Variants in TBC1D21 observed in about 807,000 individuals in gnomAD.
TBC1D21 encodes TBC1 domain family member 21.
TBC1D21 carries 38 observed loss-of-function variants against 46.0 expected under a neutral mutation model. The ratio of observed to expected loss-of-function variants is 0.83; its 90% CI spans 0.64 to 1.08. TBC1D21 has a LOEUF of 1.08. Among genes scored for constraint, TBC1D21 ranks in the 50% least tolerant of loss-of-function variants. The pLI is 0.00. For synonymous variants in TBC1D21, 151 were observed against 157.2 expected (o/e 0.96, Z 0.29); for missense variants, 415 against 417.9 (o/e 0.99, Z 0.06).
downstream of TBC1D21, among the ~76,000 whole-genome samples, chr15:73,890,322 TTGCTGGAAGGTTGAGGGGGAA>T (rs1400911291): frequency 6.6e-6 from 1 of 152,188 alleles, no homozygotes; most frequent in Non-Finnish European, 1.5e-5. Context: ...TGCTGTATCT[TTGCTGGAAGGTTGAGGGGGAA>T]TGCTGAAGAA....
At chr15:73,876,401 T>TTG (rs1476160310) in intron 1 of TBC1D21, among the ~76,000 whole-genome samples, 6 of 21,944 alleles carry the variant, frequency 2.7e-4, no homozygotes, top group South Asian at 1.4e-3. Context: ...GTAATTTTTG[T>TTG]TTTTTTTTTT....
intron 8 of TBC1D21, among the ~76,000 whole-genome samples, chr15:73,887,347 C>T (rs2068266626): frequency 6.6e-6 from 1 of 152,286 alleles, no homozygotes; most frequent in South Asian, 2.1e-4. Context: ...TCATTGCCTC[C>T]CTCCCCTTCC....
chr15:73,881,009 G>C (rs1400175215), intron 1 of TBC1D21, among the ~76,000 whole-genome samples: 1 of 152,150 alleles, frequency 6.6e-6, no homozygotes, highest in Non-Finnish European at 1.5e-5. Context: ...ATAGTACATA[G>C]AGAAAATGCT....
the TBC1D21 span, among the ~76,000 whole-genome samples, chr15:73,901,843 A>C: frequency 6.6e-6 from 1 of 151,306 alleles, no homozygotes; most frequent in African/African-American, 2.4e-5. Context: ...GGTGGGTCTC[A>C]CTCTGTCACC....
chr15:73,889,032 C>G, intron 10 of TBC1D21, 37 bp from the exon 11 acceptor site: 1 of 1,612,004 alleles, frequency 6.2e-7, no homozygotes, highest in Non-Finnish European at 8.5e-7. Context: ...AAGGGACAGA[C>G]CAATGTCTGT....
chr15:73,892,385 G>A (rs1346476352), downstream of TBC1D21, among the ~76,000 whole-genome samples: 1 of 152,242 alleles, frequency 6.6e-6, no homozygotes, highest in African/African-American at 2.4e-5. Flanking sequence ...ACAGGAAGGA[G>A]AGAAGAGAGG....
At chr15:73,886,831 C>T (rs1484622644) in intron 8 of TBC1D21, among the ~76,000 whole-genome samples, 3 of 152,252 alleles carry the variant, frequency 2.0e-5, no homozygotes, top group Non-Finnish European at 2.9e-5. Flanking sequence ...CTGACTGTGC[C>T]TTCTGCTAGC....
chr15:73,904,302 G>A, the TBC1D21 span, among the ~76,000 whole-genome samples: 3 of 152,172 alleles, frequency 2.0e-5, no homozygotes, highest in Non-Finnish European at 2.9e-5. Flanking sequence ...AGCCATGTGT[G>A]CACTCTCCCC....
intron 1 of TBC1D21, among the ~76,000 whole-genome samples, chr15:73,878,510 T>C (rs910462898): frequency 6.6e-6 from 1 of 152,236 alleles, no homozygotes; most frequent in Non-Finnish European, 1.5e-5. Flanking sequence ...TTTAAAATGA[T>C]ACTTTTTACA....
At chr15:73,885,157 C>G (rs1156576853) in intron 6 of TBC1D21, 54 bp downstream of exon 6, 5 of 1,492,530 alleles carry the variant, frequency 3.4e-6, no homozygotes, top group Non-Finnish European at 3.7e-6. Flanking sequence ...CCACTACTCC[C>G]CAAACAACTC....
At chr15:73,884,275 C>A (rs2068204505) in intron 4 of TBC1D21, 30 bp downstream of exon 4, 2 of 1,600,408 alleles carry the variant, frequency 1.2e-6, no homozygotes, top group East Asian at 4.5e-5. Flanking sequence ...GAGGGCTGGG[C>A]AGAGGGAGGG....
At chr15:73,886,811 A>G (rs1391159711) in intron 8 of TBC1D21, among the ~76,000 whole-genome samples, 199 bp downstream of exon 8, 1 of 152,216 alleles carries the variant, frequency 6.6e-6, no homozygotes, top group Non-Finnish European at 1.5e-5. Flanking sequence ...CATTTAACAC[A>G]AAGGCCCCAC....
the TBC1D21 span, among the ~76,000 whole-genome samples, chr15:73,905,735 T>A: frequency 6.6e-6 from 1 of 152,146 alleles, no homozygotes; most frequent in South Asian, 2.1e-4. Flanking sequence ...CCAGGTGGGA[T>A]AAAACCCTGA....
intron 7 of TBC1D21, 140 bp from the exon 8 acceptor site, chr15:73,886,372 C>A: frequency 1.1e-6 from 1 of 888,510 alleles, no homozygotes; most frequent in Non-Finnish European, 1.8e-6. Context: ...AACCATCTCC[C>A]AGGGCAGCTG....
At chr15:73,901,812 T>G in the TBC1D21 span, among the ~76,000 whole-genome samples, 1 of 152,082 alleles carries the variant, frequency 6.6e-6, no homozygotes, top group Admixed American at 6.6e-5. Context: ...AAGATCCCTT[T>G]TTTTTTGTTT....
chr15:73,896,633 CA>C, the TBC1D21 span, among the ~76,000 whole-genome samples: 2 of 152,166 alleles, frequency 1.3e-5, no homozygotes. Flanking sequence ...ATAAGAGATA[CA>C]AGGTCTGTTG....
the TBC1D21 span, among the ~76,000 whole-genome samples, chr15:73,900,648 C>G: frequency 2.0e-5 from 3 of 152,134 alleles, no homozygotes; most frequent in African/African-American, 7.2e-5. Context: ...TCTCCTGGAG[C>G]CAAGTGAGAA....
intron 8 of TBC1D21, 42 bp from the exon 9 acceptor site, chr15:73,887,578 T>C: frequency 6.3e-7 from 1 of 1,581,264 alleles, no homozygotes; most frequent in Admixed American, 1.7e-5. Flanking sequence ...GCATCTGCAG[T>C]CTCAGACCAC....
At chr15:73,906,706 G>A in the TBC1D21 span, among the ~76,000 whole-genome samples, 2 of 152,208 alleles carry the variant, frequency 1.3e-5, no homozygotes, top group African/African-American at 4.8e-5. Context: ...TGACCCAGGA[G>A]GAGGAGAAGA....
Sources: gnomAD v4.1 joint callset for allele counts (sites outside exome capture counted in the v4.1 genomes callset) on GRCh38, gnomAD v4.1.1 for gene constraint, MANE v1.5 for transcripts, NCBI Gene and HGNC (gene_info 2026-07-23, HGNC 2026-07-21) for gene names.